REXO5: variants seen among roughly 807,000 people sequenced by gnomAD.
REXO5 encodes the protein exonuclease NEF-sp.
Under a neutral mutation model 88.5 loss-of-function variants are expected in REXO5, and 48 were observed. The ratio of observed to expected loss-of-function variants is 0.54; its 90% CI spans 0.43 to 0.69. The LOEUF (loss-of-function observed/expected upper bound fraction) is 0.69. REXO5 is among the 30% of genes least tolerant of loss of function. The pLI, the probability that REXO5 is intolerant of heterozygous loss-of-function variation, is 0.00. For missense variants in REXO5, 749 were observed against 912.2 expected (o/e 0.82, Z 2.30); for synonymous variants, 311 against 336.5 (o/e 0.92, Z 0.83).
At chr16:20,810,365 A>C (rs948944578) in intron 2 of REXO5, among the ~76,000 whole-genome samples, 1 of 152,028 alleles carries the variant, frequency 6.6e-6, no homozygotes, top group East Asian at 1.9e-4. Context: ...CTTTAATCCA[A>C]ATCCAGTAAT....
chr16:20,826,742 C>T (rs1196379294), intron 8 of REXO5, among the ~76,000 whole-genome samples: 2 of 152,080 alleles, frequency 1.3e-5, no homozygotes, highest in Non-Finnish European at 2.9e-5. Context: ...TATTGATGTG[C>T]AAATGTGTTT....
chr16:20,825,833 T>C lies in REXO5; in HGVS notation c.706T>C (p.Cys236Arg). 6.2e-7 allele frequency: 1 copy of C among 1,611,488 alleles called. No homozygotes were observed. Among genetic ancestry groups the C allele is most frequent in the Non-Finnish European group, 8.5e-7 (1 of 1,177,830 alleles). ...GCCTGACTACATGTTGGTCTTTCAGTGCCTCACATCCAAGGGGAGAGAGCT... is the reference window on the plus strand; with the variant it reads ...GCCTGACTACATGTTGGTCTTTCAGCGCCTCACATCCAAGGGGAGAGAGCT... ...SPLFGLDCEM[C>R]LTSKGRELTR... The change falls in exon 8 of 20, where the codon TGC (cysteine) becomes CGC (arginine). Residue 236 changes from cysteine to arginine, a missense_variant and splice_region_variant. Physicochemically the swap from Cys to Arg is radical, Grantham distance 180. Transcript: ENST00000261377.
At chr16:20,809,032 T>C (rs575953227) in intron 2 of REXO5, among the ~76,000 whole-genome samples, 53 of 151,880 alleles carry the variant, frequency 3.5e-4, no homozygotes, top group African/African-American at 1.3e-3. Flanking sequence ...CAGCTGAAAA[T>C]TTTTTTTATT....
At chr16:20,827,521 G>T (rs766031547) in intron 10 of REXO5, 74 bp downstream of exon 10, 1 of 1,083,570 alleles carries the variant, frequency 9.2e-7, no homozygotes, top group Admixed American at 2.1e-5. Context: ...CTAATTTAAT[G>T]CATATTGCAA....
At chr16:20,837,659 G>A (rs2081454113) in intron 13 of REXO5, among the ~76,000 whole-genome samples, 1 of 151,294 alleles carries the variant, frequency 6.6e-6, no homozygotes, top group Non-Finnish European at 1.5e-5. Flanking sequence ...ATTCAATTCA[G>A]TTTAGACCGT....
intron 2 of REXO5, among the ~76,000 whole-genome samples, chr16:20,809,849 A>G (rs918999371): frequency 6.6e-6 from 1 of 152,210 alleles, no homozygotes; most frequent in Non-Finnish European, 1.5e-5. Context: ...TACAGGCCCA[A>G]GCCACTGCTC....
chr16:20,821,660 C>A, intron 5 of REXO5, 102 bp from the exon 6 acceptor site: 1 of 1,107,790 alleles, frequency 9.0e-7, no homozygotes, highest in Non-Finnish European at 1.2e-6. Flanking sequence ...TTTTATACAT[C>A]TTTTGATCTT....
At chr16:20,827,716 AG>A (rs549037770) in intron 10 of REXO5, among the ~76,000 whole-genome samples, 63 of 152,248 alleles carry the variant, frequency 4.1e-4, no homozygotes, top group Admixed American at 3.9e-3. Flanking sequence ...TGCCTATACA[AG>A]GTAGTATAAC....
chr16:20,847,273 C>CA (rs56204632), intron 19 of REXO5, among the ~76,000 whole-genome samples: 1 of 141,234 alleles, frequency 7.1e-6, no homozygotes, highest in Non-Finnish European at 1.5e-5. Flanking sequence ...AAAAAAAAAA[C>CA]AAAAAAAAAA....
chr16:20,806,442 C>T (rs2080875564), upstream of REXO5: 1 of 1,553,250 alleles, frequency 6.4e-7, no homozygotes, highest in Non-Finnish European at 8.7e-7. Context: ...CCCGACACTC[C>T]TTGCTTTTCC....
In REXO5 at chr16:20,806,721, G is replaced by A; in HGVS notation, c.-3+16G>A. 2.0e-6 allele frequency: 2 copies of A among 984,716 alleles called. No homozygotes were observed. Among genetic ancestry groups the A allele is most frequent in the East Asian group, 2.7e-5 (1 of 37,440 alleles). 61.0% of individuals were successfully genotyped at this position (984,716 alleles called of 1,614,324 possible). ...TGAGAATCCGGTAACCGATGCGGAC[G>A]GTAAAGCCGTTTGGGTTAGAGCGGC... On this transcript the variant is annotated intron_variant, in intron 1 of 19. Transcript: ENST00000261377.
intron 13 of REXO5, among the ~76,000 whole-genome samples, chr16:20,835,331 C>T (rs2081409970): frequency 6.6e-6 from 1 of 152,062 alleles, no homozygotes. Context: ...TAGGTGAAAC[C>T]AGAGTAAATT....
In REXO5 at chr16:20,825,818, A is replaced by G; in HGVS notation, c.706-15A>G. The G allele has an allele frequency of 6.4e-7, 1 of 1,574,752 alleles. No homozygotes were observed. The highest frequency in any genetic ancestry group is 8.7e-7 in the Non-Finnish European group (1 of 1,144,668). ...TTCCACAGTTCAGCAGCCTGACTACATGTTGGTCTTTCAGTGCCTCACATC... is the reference window on the plus strand; with the variant it reads ...TTCCACAGTTCAGCAGCCTGACTACGTGTTGGTCTTTCAGTGCCTCACATC... On this transcript the variant is annotated splice_polypyrimidine_tract_variant and intron_variant, in intron 7 of 19. Transcript: ENST00000261377.
Position 20,849,593 on chromosome 16 carries a change from T to C in REXO5, c.*113T>C, listed in dbSNP as rs1446641494. ...CAGACAGCTTTATGGAAACTTGGTA[T>C]AGCAGCTAAAAGAGTTTAGTTTGTT... On this transcript the variant is annotated 3_prime_UTR_variant, in exon 20 of 20. Transcript: ENST00000261377. 4.6e-6 allele frequency: 4 copies of C among 878,750 alleles called. No homozygotes were observed. Among genetic ancestry groups the C allele is most frequent in the Non-Finnish European group, 7.4e-6 (4 of 538,396 alleles). 54.4% of individuals were successfully genotyped at this position (878,750 alleles called of 1,614,324 possible).
chr16:20,838,848 C>T (rs576554909), intron 13 of REXO5, among the ~76,000 whole-genome samples: 1 of 152,110 alleles, frequency 6.6e-6, no homozygotes, highest in African/African-American at 2.4e-5. Context: ...AAGAGAAGAT[C>T]TGTGGTGTGG....
At chr16:20,827,912 C>T (rs1352299741) in intron 10 of REXO5, among the ~76,000 whole-genome samples, 2 of 152,088 alleles carry the variant, frequency 1.3e-5, no homozygotes, top group African/African-American at 4.8e-5. Context: ...GTGATATGAA[C>T]ACCTCTCTAA....
rs137907890 is a variant in REXO5 at position 20,847,650 on chromosome 16, G to C, written c.2243+1311G>C. Among the ~76,000 whole-genome samples, 205 of 152,224 alleles carry C rather than the reference G, an allele frequency of 1.3e-3. 1 individual carries two copies. Among genetic ancestry groups the C allele is most frequent in the African/African-American group, 4.7e-3 (197 of 41,544 alleles). On this transcript the variant is annotated intron_variant, in intron 19 of 19. Transcript: ENST00000261377. ...GAAACAAGTATTAGGTGCTTACATT[G>C]AGGGGAAAAAAAATCTTAGACCAAC...
chr16:20,842,574 G>A (rs571044788), intron 15 of REXO5, among the ~76,000 whole-genome samples: 6 of 150,418 alleles, frequency 4.0e-5, no homozygotes, highest in South Asian at 4.2e-4. Flanking sequence ...TCCTGGGCTC[G>A]AGCAATCCTC....
chr16:20,818,372 G>T (rs1165177811), intron 5 of REXO5, among the ~76,000 whole-genome samples: 1 of 152,138 alleles, frequency 6.6e-6, no homozygotes, highest in African/African-American at 2.4e-5. Flanking sequence ...TAAATATTTT[G>T]CTGGCTGAAT....
Sources: allele counts gnomAD v4.1 joint callset (sites outside exome capture counted in the v4.1 genomes callset), GRCh38; gene constraint gnomAD v4.1.1; transcripts MANE v1.5; gene names NCBI Gene and HGNC (gene_info 2026-07-23, HGNC 2026-07-21).